NTN1: variants seen among roughly 807,000 people sequenced by gnomAD.
The protein encoded by NTN1 is netrin-1.
In NTN1, 11 loss-of-function variants were observed where a neutral mutation model predicts 54.2. The ratio of observed to expected loss-of-function variants is 0.20; its 90% CI spans 0.13 to 0.34. NTN1 has a LOEUF of 0.34. Ranked by LOEUF, NTN1 falls within the 10% of genes least tolerant of loss-of-function variation. The probability of loss-of-function intolerance (pLI) is 1.00; values close to 1 mark genes in which losing one functional copy is unlikely to be tolerated. For synonymous variants in NTN1, 371 were observed against 382.0 expected (o/e 0.97, Z 0.33); for missense variants, 740 against 893.1 (o/e 0.83, Z 2.18).
chr17:9,184,035 C>A (rs559128026), intron 5 of NTN1, among the ~76,000 whole-genome samples: 1 of 152,186 alleles, frequency 6.6e-6, no homozygotes, highest in Non-Finnish European at 1.5e-5. Context: ...TTGCCTCCCC[C>A]AGAAAGGACT....
At chr17:9,174,767 A>G (rs2092395640) in intron 3 of NTN1, 1 of 152,342 alleles carries the variant, frequency 6.6e-6, no homozygotes, top group Non-Finnish European at 1.5e-5. Flanking sequence ...GAGTTTCCGC[A>G]TCAGCATTGT....
rs372198610 is a variant in NTN1 at position 9,199,207 on chromosome 17, A to G, written c.1411+16238A>G. Among the ~76,000 whole-genome samples the G allele has an allele frequency of 2.6e-4, 39 of 152,312 alleles. No homozygotes were observed. In the South Asian group the frequency reaches 4.3e-3, roughly 17 times the overall value. On this transcript the variant is annotated intron_variant, in intron 5 of 6. Transcript: ENST00000173229. ...GCCCAGGCTGGAGTGCAGTGGCACA[A>G]TCTCGGCTCATTGCAACCTCCGCTT...
intron 2 of NTN1, among the ~76,000 whole-genome samples, chr17:9,089,196 C>T (rs1361534825): frequency 9.9e-5 from 15 of 152,002 alleles, no homozygotes; most frequent in African/African-American, 1.9e-4. Context: ...GTGGATCACC[C>T]GAGTTCAGGA....
rs543041414 is a variant in NTN1, at chr17:9,160,958, G to GAACAA, written c.1019-1838_1019-1834dup. Among the ~76,000 whole-genome samples, 7 of 152,160 alleles carry GAACAA rather than the reference G, an allele frequency of 4.6e-5. No homozygotes were observed. In the East Asian group the frequency reaches 5.8e-4, roughly 13 times the overall value. Reference sequence around the variant, plus strand: ...GGGCAACAGAGTGAGACCCTGCCTCGAACAAAACAAAACAAAACAAACCCA... The same window carrying GAACAA: ...GGGCAACAGAGTGAGACCCTGCCTCGAACAAAACAAAACAAAACAAAACAAACCCA... On this transcript the variant is annotated intron_variant, in intron 2 of 6. Coordinates refer to ENST00000173229, the MANE Select transcript of NTN1 (RefSeq NM_004822.3).
chr17:9,204,193 C>CTCCTTCCTTCCCTCCT (rs1904896185), intron 5 of NTN1, among the ~76,000 whole-genome samples: 1 of 147,046 alleles, frequency 6.8e-6, no homozygotes, highest in African/African-American at 2.6e-5. Flanking sequence ...CCTTCCTTCC[C>CTCCTTCCTTCCCTCCT]TCCTTCCTTC....
At chr17:9,050,680 A>C (rs1035762060) in intron 2 of NTN1, among the ~76,000 whole-genome samples, 49 of 151,634 alleles carry the variant, frequency 3.2e-4, no homozygotes, top group African/African-American at 1.1e-3. Context: ...AAAAAAAAAA[A>C]AAAAAAAAAA....
At chr17:9,070,852 A>T (rs1426872180) in intron 2 of NTN1, among the ~76,000 whole-genome samples, 2 of 152,170 alleles carry the variant, frequency 1.3e-5, no homozygotes, top group African/African-American at 2.4e-5. Flanking sequence ...TCCGCCTCCC[A>T]AAGTGCTGGG....
intron 2 of NTN1, among the ~76,000 whole-genome samples, chr17:9,079,110 C>A (rs2092061502): frequency 6.6e-6 from 1 of 152,198 alleles, no homozygotes; most frequent in African/African-American, 2.4e-5. Flanking sequence ...GGCAAAGAAG[C>A]AGAAGCTTGA....
At chr17:9,170,682 T>C (rs556011357) in intron 3 of NTN1, among the ~76,000 whole-genome samples, 1 of 152,298 alleles carries the variant, frequency 6.6e-6, no homozygotes, top group South Asian at 2.1e-4. Flanking sequence ...GATTTGGCTC[T>C]GGAAGTGCCA....
At chr17:9,061,264 G>A (rs1246286528) in intron 2 of NTN1, among the ~76,000 whole-genome samples, 2 of 152,132 alleles carry the variant, frequency 1.3e-5, no homozygotes, top group East Asian at 1.9e-4. Context: ...AGTGAGGAAG[G>A]TGGCAGTTGA....
chr17:9,007,935 G>A, the NTN1 span, among the ~76,000 whole-genome samples: 1 of 152,000 alleles, frequency 6.6e-6, no homozygotes, highest in Non-Finnish European at 1.5e-5. Context: ...GTAGAGATAG[G>A]ATTTTGCTGT....
At chr17:9,061,442 G>T (rs2091997996) in intron 2 of NTN1, among the ~76,000 whole-genome samples, 1 of 152,112 alleles carries the variant, frequency 6.6e-6, no homozygotes, top group African/African-American at 2.4e-5. Context: ...GCAGAGACCG[G>T]GTATGGGCAA....
intron 6 of NTN1, among the ~76,000 whole-genome samples, chr17:9,236,518 A>G (rs966428251): frequency 1.3e-5 from 2 of 152,192 alleles, no homozygotes; most frequent in Non-Finnish European, 2.9e-5. Flanking sequence ...GAGCTGTGTA[A>G]TGTGTAGAGG....
rs966056525 is a variant in NTN1 at position 9,227,578 on chromosome 17, TCA to T, written c.1486+6342_1486+6343del. On this transcript the variant is annotated intron_variant, in intron 6 of 6. Transcript: ENST00000173229. ...GCACACACACTATCACACACACACA[TCA>T]CACACGCATGCATACACACACCATC... Among the ~76,000 whole-genome samples the T allele has an allele frequency of 2.2e-4, 17 of 76,460 alleles. No individual in the cohort carries two copies. The East Asian group carries it at 5.5e-3, about 25-fold the overall frequency. The allele number at this position is 76,460 out of a possible 152,430, so 50.2% of individuals were successfully genotyped here.
At chr17:9,225,907 A>G (rs1383449951) in intron 6 of NTN1, among the ~76,000 whole-genome samples, 1 of 152,218 alleles carries the variant, frequency 6.6e-6, no homozygotes, top group Non-Finnish European at 1.5e-5. Context: ...GGCTGCCAGC[A>G]GCCCCGGACC....
rs1285440318 is a variant in NTN1, at chr17:9,074,332, G to T, written c.1018+50941G>T. ...TGACTCATTCTCATCAAGGGTCACTGAGCGTCTCTCTGCGCGTGGCCTTGG... is the reference window on the plus strand; with the variant it reads ...TGACTCATTCTCATCAAGGGTCACTTAGCGTCTCTCTGCGCGTGGCCTTGG... On this transcript the variant is annotated intron_variant, in intron 2 of 6. Coordinates refer to ENST00000173229, the MANE Select transcript of NTN1 (RefSeq NM_004822.3). Among the ~76,000 whole-genome samples the T allele has an allele frequency of 2.6e-4, 40 of 152,238 alleles. 1 individual carries two copies. The highest frequency in any genetic ancestry group is 2.5e-3 in the Admixed American group (38 of 15,282).
chr17:9,156,226 C>T (rs2092341710), intron 2 of NTN1, among the ~76,000 whole-genome samples: 1 of 148,252 alleles, frequency 6.7e-6, no homozygotes, highest in African/African-American at 2.5e-5. Context: ...GCGATGGTGC[C>T]TGCGTGAGTT....
chr17:9,168,976 A>G (rs1168210495), intron 3 of NTN1, among the ~76,000 whole-genome samples: 10 of 152,208 alleles, frequency 6.6e-5, no homozygotes, highest in Non-Finnish European at 1.5e-4. Flanking sequence ...GTTAGTACCT[A>G]CTGGGAGAAA....
intron 2 of NTN1, among the ~76,000 whole-genome samples, chr17:9,067,921 T>G (rs1039940595): frequency 4.6e-5 from 7 of 152,076 alleles, no homozygotes; most frequent in African/African-American, 1.4e-4. Flanking sequence ...GAGTTCAGAT[T>G]GTATTGAAGA....
Sources: allele counts gnomAD v4.1 joint callset (sites outside exome capture counted in the v4.1 genomes callset), GRCh38; gene constraint gnomAD v4.1.1; transcripts MANE v1.5; gene names NCBI Gene and HGNC (gene_info 2026-07-23, HGNC 2026-07-21).